The following ZNF780A variants were observed in gnomAD, a reference collection of about 807,000 sequenced individuals.
ZNF780A encodes the protein zinc finger protein 780A.
A neutral mutation model predicts 56.7 loss-of-function variants in ZNF780A; 40 were observed. That is an observed-to-expected ratio of 0.71 (90% CI 0.55 to 0.92). The LOEUF (loss-of-function observed/expected upper bound fraction) is 0.92. Ranked by LOEUF, ZNF780A falls within the 40% of genes least tolerant of loss-of-function variation. ZNF780A has a pLI of 0.00. For missense variants in ZNF780A, 672 were observed against 783.3 expected (o/e 0.86, Z 1.70); for synonymous variants, 231 against 248.3 (o/e 0.93, Z 0.66).
chr19:40,078,674 C>A (rs1041418083), intron 5 of ZNF780A, among the ~76,000 whole-genome samples: 4 of 152,120 alleles, frequency 2.6e-5, no homozygotes, highest in Non-Finnish European at 5.9e-5. Context: ...GTCAAGGATA[C>A]TATCCTCAGC....
At chr19:40,070,898 G>A (rs1973795791), downstream of ZNF780A, 2 of 151,992 alleles carry the variant, frequency 1.3e-5, no homozygotes, top group South Asian at 4.1e-4. Flanking sequence ...AATACCCAGG[G>A]AATCTGTTGA....
downstream of ZNF780A, chr19:40,070,546 T>C (rs751094445): frequency 6.6e-6 from 1 of 152,196 alleles, no homozygotes; most frequent in African/African-American, 2.4e-5. Flanking sequence ...ATAAAAGGAA[T>C]AAGAATTTTT....
Position 40,073,617 on chromosome 19 carries a change from T to C in ZNF780A, c.*899A>G. On this transcript the variant is annotated 3_prime_UTR_variant, in exon 6 of 6. Coordinates refer to ENST00000683561, the MANE Select transcript of ZNF780A (RefSeq NM_001142578.2). ...TCATTCAAAGACTTTCTCACAAGAA[T>C]TATCTTCTCCGAACTCTAAGGTATT... 3 of 985,882 alleles carry C rather than the reference T, an allele frequency of 3.0e-6. No individual in the cohort carries two copies. The highest frequency in any genetic ancestry group is 3.6e-6 in the Non-Finnish European group (3 of 830,306). 61.1% of individuals were successfully genotyped at this position (985,882 alleles called of 1,614,324 possible).
At chr19:40,081,525 T>G (rs1974475081) in intron 5 of ZNF780A, among the ~76,000 whole-genome samples, 1 of 148,992 alleles carries the variant, frequency 6.7e-6, no homozygotes, top group Admixed American at 6.7e-5. Context: ...AGAGCAAGAT[T>G]CCACCTTAAA....
chr19:40,081,750 T>A (rs1230932151), intron 5 of ZNF780A, 69 bp downstream of exon 5: 1 of 1,340,828 alleles, frequency 7.5e-7, no homozygotes, highest in Admixed American at 1.7e-5. Flanking sequence ...ATCTCAAGTG[T>A]ATGACTCCTT....
rs1004837653 is a variant in ZNF780A at position 40,083,215 on chromosome 19, A to G, written c.32T>C (p.Val11Ala). ...CTCCTCCTGAGAGAAGTCAATGGCC[A>G]CATCCCTGAATGTCACTGATCCCTG... The part of the protein sequence containing the change: MVHGSVTFRD[V>A]AIDFSQEEWE... Residue 11 changes from valine to alanine, a missense_variant, in exon 4 of 6, where the codon GTG becomes GCG. Val to Ala is a moderately conservative substitution (Grantham distance 64). Coordinates refer to ENST00000683561, the MANE Select transcript of ZNF780A (RefSeq NM_001142578.2). The G allele has an allele frequency of 8.7e-6, 14 of 1,614,090 alleles. No individual in the cohort carries two copies. The highest frequency in any genetic ancestry group is 1.2e-5 in the Non-Finnish European group (14 of 1,180,032).
At chr19:40,072,270 G>C (rs1973849499), downstream of ZNF780A, 1 of 184,506 alleles carries the variant, frequency 5.4e-6, no homozygotes, top group Non-Finnish European at 1.2e-5. Context: ...GAAGCAATTA[G>C]AGCAGTTGTT....
chr19:40,083,585 G>C (rs1974606508), intron 3 of ZNF780A, among the ~76,000 whole-genome samples: 1 of 150,328 alleles, frequency 6.7e-6, no homozygotes, highest in South Asian at 2.1e-4. Context: ...TATTGCTTGA[G>C]CCCAGGAGTT....
At chr19:40,081,995 A>C in intron 4 of ZNF780A, 81 bp from the exon 5 acceptor site, 2 of 917,468 alleles carry the variant, frequency 2.2e-6, no homozygotes, top group Non-Finnish European at 3.3e-6. Context: ...GCTTAAACTT[A>C]CAATAAATTA....
At position 40,074,940 on chromosome 19, in the gene ZNF780A, T is replaced by C. The variant is rs775846752; in HGVS notation, c.1502A>G (p.Tyr501Cys). 3.1e-6 allele frequency: 5 copies of C among 1,613,882 alleles called. No homozygotes were observed. The highest frequency in any genetic ancestry group is 1.1e-5 in the South Asian group (1 of 91,058). The change falls in exon 6 of 6, where the codon TAT becomes TGT. Residue 501 changes from tyrosine to cysteine, a missense_variant. Tyr to Cys is a radical substitution (Grantham distance 194). Transcript: ENST00000683561. ...HQSIHTGEKP[Y>C]ECKECGKAFR... The stretch of plus-strand genomic sequence containing the variant: ...AGCCTTCCCACACTCCTTACATTCA[T>C]AGGGCTTCTCACCAGTGTGAATACT...
rs1974694884 is a variant in ZNF780A, at chr19:40,084,862, T to G, written c.-45-64A>C. On this transcript the variant is annotated intron_variant, in intron 2 of 5. Transcript: ENST00000683561. ...TGTGTCTCAAAAGCAAATAACTATT[T>G]TATCCTCCGTTCCTATTTCTCAACT... 5 of 1,522,288 alleles carry G rather than the reference T, an allele frequency of 3.3e-6. No homozygotes were observed. The South Asian group carries it at 3.6e-5, about 11-fold the overall frequency. 94.3% of individuals were successfully genotyped at this position (1,522,288 alleles called of 1,614,324 possible).
downstream of ZNF780A, chr19:40,072,573 G>A (rs972911663): frequency 1.1e-5 from 3 of 262,626 alleles, no homozygotes; most frequent in Admixed American, 5.5e-5. Flanking sequence ...CCAGGCATTC[G>A]AGCCGGCAAC....
intron 5 of ZNF780A, among the ~76,000 whole-genome samples, chr19:40,078,174 TCAA>T (rs1392912317): frequency 6.6e-6 from 1 of 151,758 alleles, no homozygotes; most frequent in Non-Finnish European, 1.5e-5. Flanking sequence ...TTCAAAATCT[TCAA>T]CAACAGACTA....
chr19:40,083,072 AAAAT>A (rs1358550714), intron 4 of ZNF780A, 35 bp downstream of exon 4: 1 of 1,613,980 alleles, frequency 6.2e-7, no homozygotes. Context: ...GATATTCCAG[AAAAT>A]AGATATAAAA....
chr19:40,076,328 G>A, intron 5 of ZNF780A, 119 bp from the exon 6 acceptor site: 2 of 1,064,092 alleles, frequency 1.9e-6, no homozygotes, highest in South Asian at 4.1e-5. Flanking sequence ...GATTTTATTA[G>A]CCAAAACCAA....
At chr19:40,071,499 G>A (rs1973817483), downstream of ZNF780A, 3 of 152,092 alleles carry the variant, frequency 2.0e-5, no homozygotes, top group East Asian at 1.9e-4. Flanking sequence ...GACTTATGTT[G>A]ACAACCTTAA....
chr19:40,084,866 C>G, intron 2 of ZNF780A, 68 bp from the exon 3 acceptor site: 1 of 1,517,840 alleles, frequency 6.6e-7, no homozygotes, highest in Non-Finnish European at 8.9e-7. Flanking sequence ...ACTATTTTAT[C>G]CTCCGTTCCT....
In ZNF780A at chr19:40,074,338, C is replaced by A; in HGVS notation, c.*178G>T. The A allele has an allele frequency of 6.6e-7, 1 of 1,523,742 alleles. No homozygotes were observed. Among genetic ancestry groups the A allele is most frequent in the South Asian group, 1.4e-5 (1 of 73,934 alleles). The allele number at this position is 1,523,742 out of a possible 1,614,324, so 94.4% of individuals were successfully genotyped here. ...AATGATATCTAAAGGTCGTCCTCCA[C>A]TCCTTGCATACAAAGAGTTTCTCAC... On this transcript the variant is annotated 3_prime_UTR_variant, in exon 6 of 6. Transcript: ENST00000683561.
chr19:40,083,728 C>CATT (rs1974621747), intron 3 of ZNF780A, among the ~76,000 whole-genome samples: 1 of 149,152 alleles, frequency 6.7e-6, no homozygotes, highest in Non-Finnish European at 1.5e-5. Context: ...TCCTCAAGTT[C>CATT]ATTATGGTAT....
Sources: allele counts gnomAD v4.1 joint callset (sites outside exome capture counted in the v4.1 genomes callset), GRCh38; gene constraint gnomAD v4.1.1; transcripts MANE v1.5; gene names NCBI Gene and HGNC (gene_info 2026-07-23, HGNC 2026-07-21).